ARL2BP: variants seen among roughly 807,000 people sequenced by gnomAD.
ARL2BP encodes the protein ARF like GTPase 2 binding protein.
A neutral mutation model predicts 24.2 loss-of-function variants in ARL2BP; 19 were observed. The ratio of observed to expected loss-of-function variants is 0.79; its 90% CI spans 0.55 to 1.15. ARL2BP has a LOEUF of 1.15. ARL2BP is among the 50% of genes most tolerant of loss of function. The pLI is 0.00. For missense variants in ARL2BP, 160 were observed against 190.4 expected, an observed-to-expected ratio of 0.84 and a Z score of 0.94; for synonymous variants, 56 against 70.5, an observed-to-expected ratio of 0.79 and a Z score of 1.03.
In ARL2BP at chr16:57,248,658, A is replaced by C. The variant is rs764567016; in HGVS notation, c.207+15A>C. The C allele has an allele frequency of 3.4e-6, 5 of 1,451,374 alleles. No homozygotes were observed. The Admixed American group carries it at 1.0e-4, about 30-fold the overall frequency. 89.9% of individuals were successfully genotyped at this position (1,451,374 alleles called of 1,614,324 possible). ...TTAATGAATACGTAAGTAGATTTCT[A>C]TGTCTCCTACCAGGAGGTCAGAGTT... On this transcript the variant is annotated intron_variant, in intron 3 of 5. Transcript: ENST00000219204.
chr16:57,247,521 AT>A (rs1767264584), intron 2 of ARL2BP: 2 of 152,152 alleles, frequency 1.3e-5, no homozygotes, highest in South Asian at 4.1e-4. Context: ...CCCTGTCTCA[AT>A]TAAAAAAAAA....
intron 2 of ARL2BP, 124 bp from the exon 3 acceptor site, chr16:57,248,413 A>G: frequency 2.0e-6 from 1 of 499,468 alleles, no homozygotes. Flanking sequence ...TTAAAACATC[A>G]GCTTTCCTTC....
At chr16:57,246,408 G>C (rs1472472663) in intron 2 of ARL2BP, 2 of 389,386 alleles carry the variant, frequency 5.1e-6, no homozygotes. Context: ...GGCGTTCTTC[G>C]CAAAACTATA....
chr16:57,245,299 G>A lies in ARL2BP; in HGVS notation c.-69G>A, dbSNP rs1453925740. ...GCCTTGGCTGAGAGGCCTTAACCCC[G>A]CCGGGCGGCCGCGCCCTGCATGCGA... is the stretch of plus-strand genomic sequence containing the variant. On this transcript the variant is annotated 5_prime_UTR_variant, in exon 1 of 6. Transcript: ENST00000219204. 5 of 1,561,922 alleles carry A rather than the reference G, an allele frequency of 3.2e-6. No individual in the cohort carries two copies. The highest frequency in any genetic ancestry group is 2.3e-5 in the South Asian group (2 of 85,232).
At chr16:57,250,862 G>A (rs1175493027) in intron 5 of ARL2BP, 5 of 207,580 alleles carry the variant, frequency 2.4e-5, no homozygotes, top group Non-Finnish European at 4.9e-5. Flanking sequence ...TGGAACCTCT[G>A]CCTTCCAGGT....
rs7206477 is a variant in ARL2BP at position 57,250,111 on chromosome 16, T to G, written c.293+259T>G. 990 of 591,754 alleles carry G rather than the reference T, an allele frequency of 1.7e-3. 8 individuals carry two copies. The highest frequency in any genetic ancestry group is 0.016 in the African/African-American group (854 of 53,632). 36.7% of individuals were successfully genotyped at this position (591,754 alleles called of 1,614,324 possible). Reference sequence around the variant, plus strand: ...GAGTTCAAGACCAGCCTGGGTGACATAGTGAGGCCCCGACCCTACAAAAAA... The same window carrying G: ...GAGTTCAAGACCAGCCTGGGTGACAGAGTGAGGCCCCGACCCTACAAAAAA... On this transcript the variant is annotated intron_variant, in intron 4 of 5. Transcript: ENST00000219204.
rs141271547 is a variant in ARL2BP at position 57,252,260 on chromosome 16, G to A, written c.485G>A (p.Arg162Gln). Residue 162 changes from arginine to glutamine, a missense_variant, in exon 6 of 6, where the codon CGG (arginine) becomes CAG (glutamine). Physicochemically the swap from Arg to Gln is conservative, Grantham distance 43. Transcript: ENST00000219204. ...CTGCCAGCTTCCCAGAACAATCTGC[G>A]GCACTAGGTCCTACCTCCAGCCAAT... is the stretch of plus-strand genomic sequence containing the variant. The part of the protein sequence containing the change: ...SSLPASQNNL[R>Q]H 9.2e-4 allele frequency: 1,490 copies of A among 1,614,138 alleles called. 6 individuals are homozygous for A. The Middle Eastern group carries it at 0.018, about 20-fold the overall frequency.
chr16:57,246,079 G>C lies in ARL2BP; in HGVS notation c.39-1G>C, dbSNP rs2075389484. 1 of 1,613,774 alleles carries C rather than the reference G, an allele frequency of 6.2e-7. No homozygotes were observed. The highest frequency in any genetic ancestry group is 2.2e-5 in the East Asian group (1 of 44,872). ...GCACCTAATCCAGGCATGTTTTTCA[G>C]CTCCTCCGCCTCTGATGCAGAATTT... On this transcript the variant is annotated splice_acceptor_variant, in intron 1 of 5. Coordinates refer to ENST00000219204, the MANE Select transcript of ARL2BP (RefSeq NM_012106.4). LOFTEE classifies it high-confidence loss of function.
intron 2 of ARL2BP, 48 bp downstream of exon 2, chr16:57,246,189 G>T: frequency 6.5e-7 from 1 of 1,545,070 alleles, no homozygotes. Flanking sequence ...TTTCTTTAAG[G>T]ACATTGAAAT....
Position 57,252,593 on chromosome 16 carries a change from T to C in ARL2BP, c.*326T>C. ...CCCTTCCCCAGCATACCTGCTGGTG[T>C]GTAAGTGTGGACTAACCCGCCGCCA... is the stretch of plus-strand genomic sequence containing the variant. On this transcript the variant is annotated 3_prime_UTR_variant, in exon 6 of 6. Transcript: ENST00000219204. 1 of 372,338 alleles carries C rather than the reference T, an allele frequency of 2.7e-6. No individual in the cohort carries two copies. The allele number at this position is 372,338 out of a possible 1,614,324, so 23.1% of individuals were successfully genotyped here.
chr16:57,245,296 C>G lies in ARL2BP; in HGVS notation c.-72C>G. ...GCGGCCTTGGCTGAGAGGCCTTAACCCCGCCGGGCGGCCGCGCCCTGCATG... is the reference window on the plus strand; with the variant it reads ...GCGGCCTTGGCTGAGAGGCCTTAACGCCGCCGGGCGGCCGCGCCCTGCATG... On this transcript the variant is annotated 5_prime_UTR_variant, in exon 1 of 6. Coordinates refer to ENST00000219204, the MANE Select transcript of ARL2BP (RefSeq NM_012106.4). 1 of 1,557,220 alleles carries G rather than the reference C, an allele frequency of 6.4e-7. No homozygotes were observed. Among genetic ancestry groups the G allele is most frequent in the Non-Finnish European group, 8.7e-7 (1 of 1,149,264 alleles).
intron 2 of ARL2BP, among the ~76,000 whole-genome samples, chr16:57,247,908 CT>C (rs1417447341): frequency 6.6e-6 from 1 of 152,114 alleles, no homozygotes; most frequent in African/African-American, 2.4e-5. Context: ...TTAAAATGGA[CT>C]GAAGGATGGT....
intron 3 of ARL2BP, chr16:57,249,428 G>A: frequency 3.8e-6 from 1 of 261,938 alleles, no homozygotes; most frequent in Non-Finnish European, 7.3e-6. Context: ...CGTATGTTCT[G>A]TTACACAGAT....
chr16:57,253,076 A>T lies in ARL2BP; in HGVS notation c.*809A>T, dbSNP rs532469289. The T allele has an allele frequency of 5.9e-5, 9 of 152,774 alleles. No individual in the cohort carries two copies. The East Asian group carries it at 1.7e-3, about 29-fold the overall frequency. 9.5% of individuals were successfully genotyped at this position (152,774 alleles called of 1,614,324 possible). Reference sequence around the variant, plus strand: ...TTTTAGGTGTTTGTTAGTACTGTGAAGGCAAAAATGCTTTCTACATTGACA... The same window carrying T: ...TTTTAGGTGTTTGTTAGTACTGTGATGGCAAAAATGCTTTCTACATTGACA... On this transcript the variant is annotated 3_prime_UTR_variant, in exon 6 of 6. Transcript: ENST00000219204.
At position 57,252,007 on chromosome 16, in the gene ARL2BP, G is replaced by A. The variant is rs886240467; in HGVS notation, c.391-159G>A. Reference sequence around the variant, plus strand: ...AAAAAATTAAGACTAGGGCAGGCCAGTATTGAGCAGAAATGCAGAATAACC... The same window carrying A: ...AAAAAATTAAGACTAGGGCAGGCCAATATTGAGCAGAAATGCAGAATAACC... On this transcript the variant is annotated intron_variant, in intron 5 of 5. Transcript: ENST00000219204. 5.9e-5 allele frequency: 37 copies of A among 622,936 alleles called. No homozygotes were observed. In the African/African-American group the frequency reaches 6.6e-4, roughly 11 times the overall value. The allele number at this position is 622,936 out of a possible 1,614,324, so 38.6% of individuals were successfully genotyped here. A position where few individuals can be genotyped will look rare whatever the true frequency, so the allele number is the denominator to read the frequency against.
chr16:57,250,063 G>A, intron 4 of ARL2BP: 1 of 604,022 alleles, frequency 1.7e-6, no homozygotes, highest in Non-Finnish European at 2.9e-6. Flanking sequence ...GGAGGCCAAG[G>A]GAGGAGGATC....
At chr16:57,251,531 G>C (rs567262862) in intron 5 of ARL2BP, 1 of 150,802 alleles carries the variant, frequency 6.6e-6, no homozygotes, top group Non-Finnish European at 1.5e-5. Context: ...TTACACAGCA[G>C]TGGTGCCTGT....
chr16:57,245,337 G>A lies in ARL2BP; in HGVS notation c.-31G>A, dbSNP rs1472053621. 5 of 1,599,122 alleles carry A rather than the reference G, an allele frequency of 3.1e-6. No individual in the cohort carries two copies. Among genetic ancestry groups the A allele is most frequent in the Non-Finnish European group, 4.3e-6 (5 of 1,174,270 alleles). Reference sequence around the variant, plus strand: ...GCCCTGCATGCGAGTTGGGCCGCGGGCGGGGTTGGAGCCTACTCGGGGCGA... The same window carrying A: ...GCCCTGCATGCGAGTTGGGCCGCGGACGGGGTTGGAGCCTACTCGGGGCGA... On this transcript the variant is annotated 5_prime_UTR_variant, in exon 1 of 6. Transcript: ENST00000219204.
At chr16:57,245,779 G>T (rs1476635415) in intron 1 of ARL2BP, 4 of 489,110 alleles carry the variant, frequency 8.2e-6, no homozygotes, top group African/African-American at 4.0e-5. Context: ...CAGGTGTTTC[G>T]CCCGTGCCGG....
Sources: allele counts gnomAD v4.1 joint callset (sites outside exome capture counted in the v4.1 genomes callset), GRCh38; gene constraint gnomAD v4.1.1; transcripts MANE v1.5; gene names NCBI Gene and HGNC (gene_info 2026-07-23, HGNC 2026-07-21).